The following MED13L variants were observed in gnomAD, a reference collection of about 807,000 sequenced individuals.
The protein encoded by MED13L is mediator of RNA polymerase II transcription subunit 13-like.
MED13L carries 7 observed loss-of-function variants against 220.9 expected under a neutral mutation model. That is an observed-to-expected ratio of 0.03 (90% CI 0.02 to 0.06). The LOEUF is 0.06. Among genes scored for constraint, MED13L ranks in the 10% least tolerant of loss-of-function variants. The pLI is 1.00. For missense variants in MED13L, 1,965 were observed against 2,760.5 expected (o/e 0.71, Z 6.46); for synonymous variants, 1,011 against 1,015.2 (o/e 1.00, Z 0.08).
intron 2 of MED13L, among the ~76,000 whole-genome samples, chr12:116,185,293 T>C (rs1326051698): frequency 6.6e-6 from 1 of 151,438 alleles, no homozygotes; most frequent in East Asian, 1.9e-4. Flanking sequence ...TAAAAATATA[T>C]ACTAATTAGA....
chr12:116,144,208 A>C (rs1344461224), intron 2 of MED13L, among the ~76,000 whole-genome samples: 1 of 152,218 alleles, frequency 6.6e-6, no homozygotes, highest in Non-Finnish European at 1.5e-5. Context: ...AGAATGTTTC[A>C]CAAAAACCTT....
At chr12:115,974,900 T>C (rs1421985810) in intron 25 of MED13L, among the ~76,000 whole-genome samples, 1 of 152,226 alleles carries the variant, frequency 6.6e-6, no homozygotes, top group Non-Finnish European at 1.5e-5. Context: ...AAATAAATGT[T>C]CGAAATGTGA....
Position 116,008,559 on chromosome 12 carries a change from A to G in MED13L, c.1854T>C (p.Tyr618=), listed in dbSNP as rs1056011715. Residue 618 remains tyrosine, a synonymous_variant, in exon 10 of 31, where the codon TAT becomes TAC. Transcript: ENST00000281928. ...CCGGGTTCGAGGGCCTAATCCCACA[A>G]TATAAGGCTGTCTCGCTGACCTCTG... is the stretch of plus-strand genomic sequence containing the variant. The part of the protein sequence containing the change: ...LMAEVSETAL[Y]CGIRPSNPES... 6.2e-7 allele frequency: 1 copy of G among 1,613,892 alleles called. No homozygotes were observed. The highest frequency in any genetic ancestry group is 8.5e-7 in the Non-Finnish European group (1 of 1,179,982).
intron 2 of MED13L, among the ~76,000 whole-genome samples, chr12:116,231,705 C>T (rs1355352474): frequency 6.6e-6 from 1 of 152,030 alleles, no homozygotes; most frequent in Admixed American, 6.5e-5. Flanking sequence ...GCTCTGGTTA[C>T]GTAAAAGAGT....
At chr12:116,171,686 A>C (rs764682837) in intron 2 of MED13L, among the ~76,000 whole-genome samples, 14 of 152,174 alleles carry the variant, frequency 9.2e-5, no homozygotes, top group Non-Finnish European at 1.8e-4. Context: ...TGAAACCATT[A>C]ATTTTCCTGA....
intron 1 of MED13L, among the ~76,000 whole-genome samples, chr12:116,261,388 T>A (rs752360709): frequency 1.3e-5 from 2 of 151,074 alleles, no homozygotes; most frequent in Non-Finnish European, 2.9e-5. Context: ...TCCCAGCTAC[T>A]CAGGAGGCTG....
At chr12:115,977,631 G>T (rs931740159) in intron 23 of MED13L, among the ~76,000 whole-genome samples, 5 of 152,182 alleles carry the variant, frequency 3.3e-5, no homozygotes, top group African/African-American at 1.2e-4. Context: ...GAAAAGAAAT[G>T]AAGTACTGGT....
intron 4 of MED13L, among the ~76,000 whole-genome samples, chr12:116,037,099 A>C (rs1047971615): frequency 2.0e-5 from 3 of 152,206 alleles, no homozygotes; most frequent in African/African-American, 7.2e-5. Context: ...TTCTATGAAT[A>C]ATCACCCTCC....
At chr12:116,104,589 T>C (rs987369558) in intron 3 of MED13L, among the ~76,000 whole-genome samples, 24 of 152,202 alleles carry the variant, frequency 1.6e-4, no homozygotes, top group African/African-American at 5.5e-4. Flanking sequence ...CAGCACCAGC[T>C]GACTGCTCTG....
intron 23 of MED13L, chr12:115,980,331 T>C (rs2137262690): frequency 5.5e-6 from 1 of 181,332 alleles, no homozygotes; most frequent in South Asian, 1.2e-4. Context: ...ACCTGCCAAC[T>C]CGTTTTTATT....
At chr12:116,058,192 T>C (rs1592995507) in intron 4 of MED13L, among the ~76,000 whole-genome samples, 1 of 152,316 alleles carries the variant, frequency 6.6e-6, no homozygotes, top group East Asian at 1.9e-4. Context: ...CATGATTTAC[T>C]GTTTAAAAGT....
At chr12:116,096,076 G>A (rs1444876826) in intron 4 of MED13L, among the ~76,000 whole-genome samples, 3 of 151,870 alleles carry the variant, frequency 2.0e-5, no homozygotes, top group Admixed American at 1.3e-4. Flanking sequence ...TGATGAGGCC[G>A]GGCGCAATGG....
chr12:116,203,235 C>T (rs1016586307), intron 2 of MED13L, among the ~76,000 whole-genome samples: 1 of 152,076 alleles, frequency 6.6e-6, no homozygotes, highest in Non-Finnish European at 1.5e-5. Flanking sequence ...ATGTAAGATT[C>T]GGTTTTACAA....
chr12:116,018,680 T>A lies in MED13L; in HGVS notation c.1009+544A>T, dbSNP rs143681248. Among the ~76,000 whole-genome samples the A allele has an allele frequency of 2.6e-5, 4 of 152,238 alleles. No homozygotes were observed. In the East Asian group the frequency reaches 7.7e-4, roughly 29 times the overall value. ...TGAATTTTTCCATGAAGACAGGCAG[T>A]TCCAACTGTCAAAACTGTCCCATAT... On this transcript the variant is annotated intron_variant, in intron 7 of 30. Coordinates refer to ENST00000281928, the MANE Select transcript of MED13L (RefSeq NM_015335.5).
intron 2 of MED13L, among the ~76,000 whole-genome samples, chr12:116,235,771 G>A (rs990122904): frequency 6.6e-6 from 1 of 152,026 alleles, no homozygotes; most frequent in African/African-American, 2.4e-5. Context: ...GATTTTCTCC[G>A]TTGGCATAGA....
chr12:116,227,292 T>C (rs551113955), intron 2 of MED13L, among the ~76,000 whole-genome samples: 2 of 152,200 alleles, frequency 1.3e-5, no homozygotes, highest in Non-Finnish European at 2.9e-5. Context: ...AAAGAAGATC[T>C]CTAACGATAG....
chr12:116,124,128 G>GAGAAAGAC (rs1875346381), intron 2 of MED13L, among the ~76,000 whole-genome samples: 1 of 92,278 alleles, frequency 1.1e-5, no homozygotes, highest in African/African-American at 3.3e-5. Context: ...AAAGACGAGA[G>GAGAAAGAC]AGAGAGAGAG....
intron 21 of MED13L, among the ~76,000 whole-genome samples, chr12:115,982,884 GT>G (rs1449395250): frequency 1.3e-5 from 2 of 152,140 alleles, no homozygotes; most frequent in Non-Finnish European, 2.9e-5. Flanking sequence ...TACTAATTAA[GT>G]TGATAGTAAG....
rs536292583 is a variant in MED13L, at chr12:116,194,876, T to TA, written c.310+42591dup. On this transcript the variant is annotated intron_variant, in intron 2 of 30. Transcript: ENST00000281928. ...AAGACATTTTAAAGACCTACCTAAC[T>TA]AAAAAAGACCAGCATCACCATGAAA... 2.6e-5 allele frequency among the ~76,000 whole-genome samples: 4 copies of TA among 152,092 alleles called. No homozygotes were observed. In the South Asian group the frequency reaches 8.3e-4, roughly 32 times the overall value.
Sources: gnomAD v4.1 joint callset for allele counts (sites outside exome capture counted in the v4.1 genomes callset) on GRCh38, gnomAD v4.1.1 for gene constraint, MANE v1.5 for transcripts, NCBI Gene and HGNC (gene_info 2026-07-23, HGNC 2026-07-21) for gene names.